Variants in MBD5 observed in about 807,000 individuals in gnomAD.
The protein encoded by MBD5 is methyl-CpG-binding domain protein 5.
In MBD5, 13 loss-of-function variants were observed where a neutral mutation model predicts 117.3. That is an observed-to-expected ratio of 0.11 (90% CI 0.07 to 0.18). The LOEUF (loss-of-function observed/expected upper bound fraction) is 0.18. Ranked by LOEUF, MBD5 falls within the 10% of genes least tolerant of loss-of-function variation. The probability of loss-of-function intolerance (pLI) is 1.00; values close to 1 mark genes in which losing one functional copy is unlikely to be tolerated. For synonymous variants in MBD5, 727 were observed against 766.4 expected (o/e 0.95, Z 0.85); for missense variants, 1,879 against 2,093.8 (o/e 0.90, Z 2.00).
At position 148,240,009 on chromosome 2, in the gene MBD5, A is replaced by G. The variant is rs369652132; in HGVS notation, c.-680+6614A>G. ...CTATTCACAATAGCAAAGACTTGGA[A>G]CCAACTCAAATGTCCATCAGTGATA... On this transcript the variant is annotated intron_variant, in intron 3 of 13. Transcript: ENST00000642680. Among the ~76,000 whole-genome samples, 524 of 152,332 alleles carry G rather than the reference A, an allele frequency of 3.4e-3. 2 individuals are homozygous for G. Among genetic ancestry groups the G allele is most frequent in the Admixed American group, 5.3e-3 (81 of 15,296 alleles).
intron 2 of MBD5, among the ~76,000 whole-genome samples, chr2:148,227,815 G>A (rs1486863947): frequency 6.6e-6 from 1 of 152,124 alleles, no homozygotes; most frequent in Non-Finnish European, 1.5e-5. Flanking sequence ...AGTTCTCCTT[G>A]AAGAGGTCCT....
chr2:148,457,100 T>C (rs1056164317), intron 4 of MBD5, among the ~76,000 whole-genome samples: 3 of 152,200 alleles, frequency 2.0e-5, no homozygotes, highest in African/African-American at 7.2e-5. Context: ...CTTCTTCACT[T>C]ATGTGTTTTA....
intron 3 of MBD5, among the ~76,000 whole-genome samples, chr2:148,300,088 CTTG>C (rs1701745894): frequency 6.6e-6 from 1 of 151,714 alleles, no homozygotes; most frequent in Admixed American, 6.6e-5. Context: ...GAGTTTCACT[CTTG>C]TTGCCCAGGC....
chr2:148,331,984 A>G (rs74929769), intron 3 of MBD5, among the ~76,000 whole-genome samples: 3,061 of 152,246 alleles, frequency 0.02, 113 homozygotes, highest in African/African-American at 0.07. Flanking sequence ...CTAGAAATAA[A>G]AAATCTCACA....
intron 1 of MBD5, among the ~76,000 whole-genome samples, chr2:148,023,199 A>G (rs1693812004): frequency 6.6e-6 from 1 of 152,248 alleles, no homozygotes; most frequent in East Asian, 1.9e-4. Flanking sequence ...ATATGAAAAC[A>G]GCAATTTGAT....
intron 3 of MBD5, among the ~76,000 whole-genome samples, chr2:148,290,048 T>C (rs1486814737): frequency 6.7e-6 from 1 of 149,764 alleles, no homozygotes; most frequent in East Asian, 2.0e-4. Context: ...CTCTACCTCC[T>C]GAACTCAAGC....
At chr2:148,374,918 A>G (rs1294931876) in intron 4 of MBD5, among the ~76,000 whole-genome samples, 3 of 152,216 alleles carry the variant, frequency 2.0e-5, no homozygotes, top group Non-Finnish European at 4.4e-5. Context: ...ATTAGAAAAC[A>G]ATACTATTTA....
At chr2:148,107,895 ATGTTTC>A (rs1219869105) in intron 1 of MBD5, among the ~76,000 whole-genome samples, 1 of 152,176 alleles carries the variant, frequency 6.6e-6, no homozygotes, top group East Asian at 1.9e-4. Flanking sequence ...TGTGAAGAGA[ATGTTTC>A]TGTTTCTGTT....
chr2:148,210,543 T>C, intron 2 of MBD5, among the ~76,000 whole-genome samples: 1 of 152,002 alleles, frequency 6.6e-6, no homozygotes, highest in East Asian at 1.9e-4. Flanking sequence ...ACAATAACAA[T>C]TTTTAAAAAT....
At chr2:148,212,083 A>G (rs1213475976) in intron 2 of MBD5, among the ~76,000 whole-genome samples, 6 of 152,302 alleles carry the variant, frequency 3.9e-5, no homozygotes, top group African/African-American at 1.4e-4. Context: ...GAACAGCTTT[A>G]TTGAGATATA....
At chr2:148,497,108 A>G (rs1289693103) in intron 11 of MBD5, among the ~76,000 whole-genome samples, 2 of 151,890 alleles carry the variant, frequency 1.3e-5, no homozygotes, top group Admixed American at 1.3e-4. Flanking sequence ...TAATGAACCT[A>G]ATAAATGCCT....
intron 3 of MBD5, among the ~76,000 whole-genome samples, chr2:148,332,858 G>A (rs1172298670): frequency 6.6e-6 from 1 of 151,830 alleles, no homozygotes. Flanking sequence ...ATGATTTTTT[G>A]AATTTTTTTT....
intron 1 of MBD5, among the ~76,000 whole-genome samples, chr2:148,089,871 C>T (rs916359921): frequency 6.6e-6 from 1 of 151,368 alleles, no homozygotes; most frequent in Admixed American, 6.6e-5. Flanking sequence ...AATTGAAACA[C>T]AAAACAATAC....
intron 1 of MBD5, chr2:148,028,407 A>C (rs1006886381): frequency 6.6e-6 from 1 of 152,052 alleles, no homozygotes; most frequent in Admixed American, 6.5e-5. Context: ...AAAAAATTTA[A>C]TATCTGTATC....
At chr2:148,272,860 G>A (rs79519897) in intron 3 of MBD5, among the ~76,000 whole-genome samples, 19,276 of 152,012 alleles carry the variant, frequency 0.13, 1,453 homozygotes, top group Non-Finnish European at 0.18. Context: ...ATATCTTTAT[G>A]TATCTGTGTA....
chr2:148,368,128 A>G (rs62183975), intron 4 of MBD5, among the ~76,000 whole-genome samples: 8,197 of 152,282 alleles, frequency 0.054, 292 homozygotes, highest in African/African-American at 0.092. Flanking sequence ...CATATACACC[A>G]TGGGATACTA....
chr2:148,496,718 T>C (rs1681714100), intron 11 of MBD5, among the ~76,000 whole-genome samples: 1 of 152,222 alleles, frequency 6.6e-6, no homozygotes, highest in Non-Finnish European at 1.5e-5. Flanking sequence ...CGTCCTGTAA[T>C]GTACTTCCCC....
intron 4 of MBD5, among the ~76,000 whole-genome samples, chr2:148,397,548 C>G (rs1704761408): frequency 6.6e-6 from 1 of 152,116 alleles, no homozygotes. Flanking sequence ...CCAGTATGGT[C>G]TCGATCTACT....
At chr2:148,407,625 A>G (rs772067874) in intron 4 of MBD5, among the ~76,000 whole-genome samples, 12 of 152,102 alleles carry the variant, frequency 7.9e-5, no homozygotes, top group Non-Finnish European at 1.5e-4. Context: ...AAATAATATT[A>G]TGTTGTTGAG....
Sources: gnomAD v4.1 joint callset for allele counts (sites outside exome capture counted in the v4.1 genomes callset) on GRCh38, gnomAD v4.1.1 for gene constraint, MANE v1.5 for transcripts, NCBI Gene and HGNC (gene_info 2026-07-23, HGNC 2026-07-21) for gene names.